Variants in EP400 observed in about 807,000 individuals in gnomAD.
EP400 encodes E1A-binding protein p400.
In EP400, 105 loss-of-function variants were observed where a neutral mutation model predicts 354.1. That is an observed-to-expected ratio of 0.30 (90% CI 0.25 to 0.35). The LOEUF is 0.35. EP400 is among the 10% of genes least tolerant of loss of function. The pLI, the probability that EP400 is intolerant of heterozygous loss-of-function variation, is 1.00. For missense variants in EP400, 3,280 were observed against 4,121.0 expected, an observed-to-expected ratio of 0.80 and a Z score of 5.59; for synonymous variants, 1,646 against 1,716.9, an observed-to-expected ratio of 0.96 and a Z score of 1.02.
Position 132,045,751 on chromosome 12 carries a change from C to T in EP400, c.7051C>T (p.Pro2351Ser). ...LQAVKQLLEL[P>S]LNLTIVSPAH... Reference sequence around the variant, plus strand: ...GGCTGTAAAGCAGTTACTGGAGCTGCCTTTGAACCTCACAATCGTGTCACC... The same window carrying T: ...GGCTGTAAAGCAGTTACTGGAGCTGTCTTTGAACCTCACAATCGTGTCACC... Residue 2351 changes from proline to serine, a missense_variant, in exon 39 of 53, where the codon CCT becomes TCT. Coordinates refer to ENST00000389561, the MANE Select transcript of EP400 (RefSeq NM_015409.5). 1.2e-6 allele frequency: 2 copies of T among 1,614,224 alleles called. No homozygotes were observed. Among genetic ancestry groups the T allele is most frequent in the East Asian group, 2.2e-5 (1 of 44,882 alleles).
chr12:131,981,993 T>C, intron 4 of EP400, 100 bp from the exon 5 acceptor site: 8 of 1,437,170 alleles, frequency 5.6e-6, no homozygotes, highest in African/African-American at 1.4e-5. Flanking sequence ...TGGTGGGTCT[T>C]GGACAAGCAC....
At position 132,029,586 on chromosome 12, in the gene EP400, C is replaced by T. The variant is rs920376054; in HGVS notation, c.5382-115C>T. 13 of 1,197,974 alleles carry T rather than the reference C, an allele frequency of 1.1e-5. No individual in the cohort carries two copies. In the African/African-American group the frequency reaches 2.0e-4, roughly 18 times the overall value. 74.2% of individuals were successfully genotyped at this position (1,197,974 alleles called of 1,614,324 possible). A position where few individuals can be genotyped will look rare whatever the true frequency, so the allele number is the denominator to read the frequency against. On this transcript the variant is annotated intron_variant, in intron 27 of 52. Transcript: ENST00000389561. This position sits in a 1 kb window ranked among gnomAD's most constrained non-coding sequence, Gnocchi z 4.7. Reference sequence around the variant, plus strand: ...CATCCCCATGTGACTGGGTTGAGCCCTGCTGTTTCCTGGGACTTGGACTGT... The same window carrying T: ...CATCCCCATGTGACTGGGTTGAGCCTTGCTGTTTCCTGGGACTTGGACTGT...
intron 30 of EP400, among the ~76,000 whole-genome samples, chr12:132,033,245 G>C (rs947146841): frequency 2.6e-5 from 4 of 152,152 alleles, no homozygotes; most frequent in Non-Finnish European, 4.4e-5. Flanking sequence ...ACCGCGCCTG[G>C]CCTATTATTA....
rs529973303 is a variant in EP400 at position 132,038,144 on chromosome 12, C to T, written c.6207+48C>T. 1.1e-4 allele frequency: 182 copies of T among 1,608,076 alleles called. 1 individual carries two copies. In the East Asian group the frequency reaches 3.5e-3, roughly 31 times the overall value. The stretch of plus-strand genomic sequence containing the variant: ...TGAAGAGTTGCACGGTGGGAGCCGG[C>T]GGAACACCTGCACCCTCCCCCAGGG... On this transcript the variant is annotated intron_variant, in intron 32 of 52. Transcript: ENST00000389561. The surrounding 1 kb of genome is among the most constrained non-coding windows in gnomAD (Gnocchi z 4.2).
intron 48 of EP400, chr12:132,065,360 ACTGGC>A: frequency 1.2e-5 from 2 of 161,014 alleles, no homozygotes; most frequent in Admixed American, 5.9e-5. Flanking sequence ...GTCTGGGAAG[ACTGGC>A]TCTCAGCAGG....
chr12:131,999,501 C>T (rs577541103), intron 12 of EP400, among the ~76,000 whole-genome samples: 23 of 152,114 alleles, frequency 1.5e-4, no homozygotes, highest in Non-Finnish European at 2.2e-4. Context: ...TGCAGTGGCA[C>T]GATCTCAGCT....
chr12:131,975,482 G>A (rs1278819022), intron 2 of EP400, among the ~76,000 whole-genome samples: 1 of 152,138 alleles, frequency 6.6e-6, no homozygotes, highest in African/African-American at 2.4e-5. Context: ...GTCTTGGGGC[G>A]TGTCTTGAAG....
At position 132,014,017 on chromosome 12, in the gene EP400, G is replaced by A. The variant is rs897054375; in HGVS notation, c.3923+104G>A. The stretch of plus-strand genomic sequence containing the variant: ...AGAAAGCTCCTTTCCGCAAGGATTG[G>A]GTGTCTGGAGCTGGAGACCGAGGCA... On this transcript the variant is annotated intron_variant, in intron 19 of 52. Coordinates refer to ENST00000389561, the MANE Select transcript of EP400 (RefSeq NM_015409.5). 5 of 1,500,074 alleles carry A rather than the reference G, an allele frequency of 3.3e-6. No homozygotes were observed. In the African/African-American group the frequency reaches 5.6e-5, roughly 17 times the overall value. The allele number at this position is 1,500,074 out of a possible 1,614,324, so 92.9% of individuals were successfully genotyped here.
intron 5 of EP400, among the ~76,000 whole-genome samples, chr12:131,983,204 C>T (rs577483987): frequency 4.6e-5 from 7 of 152,144 alleles, no homozygotes; most frequent in Non-Finnish European, 7.4e-5. Context: ...AAGTGATGAG[C>T]GGGGCTTGAC....
chr12:132,006,132 G>A lies in EP400; in HGVS notation c.2956G>A (p.Asp986Asn), dbSNP rs545196306. Residue 986 changes from aspartate to asparagine, a missense_variant, in exon 14 of 53, where the codon GAC becomes AAC. Physicochemically the swap from Asp to Asn is conservative, Grantham distance 23. Transcript: ENST00000389561. ...TACAGATGCAGATGACTGTCCAGGC[G>A]ACAGGGAGAGTCGCAAGGACTTGGT... is the stretch of plus-strand genomic sequence containing the variant. ...GEEDADDCPGDRESRKDLVLI... is the reference protein window; with the variant it reads ...GEEDADDCPGNRESRKDLVLI... 14 of 1,614,036 alleles carry A rather than the reference G, an allele frequency of 8.7e-6. No homozygotes were observed. In the South Asian group the frequency reaches 8.8e-5, roughly 10 times the overall value.
In EP400 at chr12:132,052,879, C is replaced by T. The variant is rs1297416803; in HGVS notation, c.7395-267C>T. On this transcript the variant is annotated intron_variant, in intron 41 of 52. Coordinates refer to ENST00000389561, the MANE Select transcript of EP400 (RefSeq NM_015409.5). This position sits in a 1 kb window ranked among gnomAD's most constrained non-coding sequence, Gnocchi z 4.4. The stretch of plus-strand genomic sequence containing the variant: ...AGGTGGGCTGTGCGTTTGGGGGCTG[C>T]CACAAGTACGCTGGGGACGTGTTCG... 2.0e-5 allele frequency among the ~76,000 whole-genome samples: 3 copies of T among 152,034 alleles called. No individual in the cohort carries two copies. The highest frequency in any genetic ancestry group is 2.9e-5 in the Non-Finnish European group (2 of 68,008).
In EP400 at chr12:132,053,591, C is replaced by T. The variant is rs371577496; in HGVS notation, c.7722C>T (p.Ala2574=). Residue 2574 remains alanine, a synonymous_variant, in exon 43 of 53, where the codon GCC becomes GCT. Coordinates refer to ENST00000389561, the MANE Select transcript of EP400 (RefSeq NM_015409.5). ...CAATCACGACGGGGGGCAGTGCAGC[C>T]GTACTGGTGAGCAGGGGCCTCCTCC... ...QPAITTGGSA[A]VLAGTIKTSV... 22 of 1,545,984 alleles carry T rather than the reference C, an allele frequency of 1.4e-5. No homozygotes were observed. Among genetic ancestry groups the T allele is most frequent in the African/African-American group, 1.2e-4 (9 of 72,706 alleles).
chr12:132,020,854 C>A (rs183141186), intron 22 of EP400, among the ~76,000 whole-genome samples: 7 of 152,128 alleles, frequency 4.6e-5, no homozygotes, highest in African/African-American at 9.7e-5. Context: ...AGAAATGTAC[C>A]GCGTAGCGTA....
In EP400 at chr12:132,050,500, A is replaced by G. The variant is rs2136586778; in HGVS notation, c.7337+41A>G. 1.9e-6 allele frequency: 3 copies of G among 1,613,284 alleles called. No individual in the cohort carries two copies. The highest frequency in any genetic ancestry group is 1.6e-4 in the Middle Eastern group (1 of 6,062). ...GCTCATTTTATGTTCATTATGACTGAGTAGATTGCGTGAAGCTTGGTTTTG... is the reference window on the plus strand; with the variant it reads ...GCTCATTTTATGTTCATTATGACTGGGTAGATTGCGTGAAGCTTGGTTTTG... On this transcript the variant is annotated intron_variant, in intron 40 of 52. Transcript: ENST00000389561. This position sits in a 1 kb window ranked among gnomAD's most constrained non-coding sequence, Gnocchi z 4.8.
intron 1 of EP400, among the ~76,000 whole-genome samples, chr12:131,951,430 G>A (rs1308188460): frequency 6.6e-6 from 1 of 151,194 alleles, no homozygotes; most frequent in Non-Finnish European, 1.5e-5. Context: ...CAATCCTACC[G>A]CCTTGGCCTC....
At position 132,006,711 on chromosome 12, in the gene EP400, T is replaced by C. The variant is rs756144047; in HGVS notation, c.3138T>C (p.Asn1046=). The C allele has an allele frequency of 2.0e-5, 32 of 1,594,040 alleles. No homozygotes were observed. Among genetic ancestry groups the C allele is most frequent in the Non-Finnish European group, 2.4e-5 (28 of 1,172,572 alleles). ...SARVTTSVKF[N]APSLLYGALR... ...GTTCATCACTGCAGGTCAAGTTTAA[T>C]GCTCCATCTTTGTTGTATGGGGCTC... The change falls in exon 15 of 53, where the codon AAT becomes AAC. Residue 1046 remains asparagine, a synonymous_variant. Coordinates refer to ENST00000389561, the MANE Select transcript of EP400 (RefSeq NM_015409.5).
intron 6 of EP400, 87 bp downstream of exon 6, chr12:131,986,894 C>T: frequency 6.9e-7 from 1 of 1,442,906 alleles, no homozygotes; most frequent in Non-Finnish European, 9.4e-7. Context: ...TGGCGTAAAA[C>T]CGAATGCCTG....
Position 132,030,154 on chromosome 12 carries a change from G to A in EP400, c.5750G>A (p.Arg1917Gln), listed in dbSNP as rs369819085. ...RIDENASSEQRQELMRSFNRD... is the reference protein window; with the variant it reads ...RIDENASSEQQQELMRSFNRD... ...GATGAAAATGCCAGCAGTGAGCAACGGCAGGTGAGAAGCACATTGTTTACA... is the reference window on the plus strand; with the variant it reads ...GATGAAAATGCCAGCAGTGAGCAACAGCAGGTGAGAAGCACATTGTTTACA... The change falls in exon 29 of 53, where the codon CGG becomes CAG. Residue 1917 changes from arginine to glutamine, a missense_variant. Physicochemically the swap from Arg to Gln is conservative, Grantham distance 43. Around this residue, in one of 20 missense-constraint regions of EP400, gnomAD observed 459 missense variants for 496.9 expected, o/e 0.92. Coordinates refer to ENST00000389561, the MANE Select transcript of EP400 (RefSeq NM_015409.5). The A allele has an allele frequency of 1.4e-5, 22 of 1,614,022 alleles. No individual in the cohort carries two copies. Among genetic ancestry groups the A allele is most frequent in the Admixed American group, 1.0e-4 (6 of 59,996 alleles).
chr12:132,065,078 T>C (rs952667409), intron 48 of EP400, 192 bp downstream of exon 48: 5 of 1,047,884 alleles, frequency 4.8e-6, no homozygotes, highest in African/African-American at 3.2e-5. Flanking sequence ...CAGCAGCAGC[T>C]CCCAGAGCCC....
Sources: allele counts gnomAD v4.1 joint callset (sites outside exome capture counted in the v4.1 genomes callset), GRCh38; gene constraint gnomAD v4.1.1; regional missense constraint gnomAD v4.1.1; non-coding constraint Gnocchi (gnomAD v3.1); transcripts MANE v1.5; gene names NCBI Gene and HGNC (gene_info 2026-07-23, HGNC 2026-07-21).